The following MED9 variants were observed in gnomAD, a reference collection of about 807,000 sequenced individuals.
The protein encoded by MED9 is mediator of RNA polymerase II transcription subunit 9.
MED9 carries 8 observed loss-of-function variants against 13.2 expected under a neutral mutation model. The ratio of observed to expected loss-of-function variants is 0.61; its 90% CI spans 0.36 to 1.10. The LOEUF (loss-of-function observed/expected upper bound fraction) is 1.10, where lower values mean the gene tolerates loss of function less well. Ranked by LOEUF, MED9 falls within the 50% of genes least tolerant of loss-of-function variation. The probability of loss-of-function intolerance (pLI) is 0.02; values close to 1 mark genes in which losing one functional copy is unlikely to be tolerated. For missense variants in MED9, 180 were observed against 193.4 expected, an observed-to-expected ratio of 0.93 and a Z score of 0.41; for synonymous variants, 87 against 82.8, an observed-to-expected ratio of 1.05 and a Z score of -0.28.
intron 1 of MED9, chr17:17,477,588 C>T: frequency 3.3e-6 from 1 of 304,592 alleles, no homozygotes; most frequent in Non-Finnish European, 6.1e-6. Flanking sequence ...GTTTTCTCAC[C>T]TTTAATGTTG....
chr17:17,491,612 C>T lies in MED9; in HGVS notation c.*117C>T. The T allele has an allele frequency of 9.9e-7, 1 of 1,013,714 alleles. No individual in the cohort carries two copies. Among genetic ancestry groups the T allele is most frequent in the Non-Finnish European group, 1.5e-6 (1 of 681,578 alleles). 62.8% of individuals were successfully genotyped at this position (1,013,714 alleles called of 1,614,324 possible). On this transcript the variant is annotated 3_prime_UTR_variant, in exon 2 of 2. Coordinates refer to ENST00000268711, the MANE Select transcript of MED9 (RefSeq NM_018019.3). ...GACCCCAGCTCAGCTCGTCAAGCTG[C>T]AGGGGCGGGGCTCCTGTGCTGCTGC...
intron 1 of MED9, among the ~76,000 whole-genome samples, chr17:17,489,427 A>G (rs1905191933): frequency 6.6e-6 from 1 of 152,212 alleles, no homozygotes; most frequent in African/African-American, 2.4e-5. Context: ...CCACATTTCT[A>G]TTTTAAGTAC....
chr17:17,488,844 G>GA (rs753433378), intron 1 of MED9, among the ~76,000 whole-genome samples: 1 of 148,954 alleles, frequency 6.7e-6, no homozygotes, highest in African/African-American at 2.5e-5. Context: ...AAAAAAAAAA[G>GA]AAAAAAAGAA....
chr17:17,487,670 T>C (rs1490617045), intron 1 of MED9: 2 of 177,128 alleles, frequency 1.1e-5, no homozygotes, highest in African/African-American at 2.4e-5. Flanking sequence ...GTCCGTGGCC[T>C]CATTCTTGAA....
chr17:17,477,564 C>A (rs1479197014), intron 1 of MED9: 7 of 365,748 alleles, frequency 1.9e-5, no homozygotes, highest in Non-Finnish European at 2.0e-5. Flanking sequence ...CAAATTAAAT[C>A]TCTTTAAGCC....
In MED9 at chr17:17,483,105, A is replaced by G. The variant is rs966878616; in HGVS notation, c.224+5840A>G. On this transcript the variant is annotated intron_variant, in intron 1 of 1. Transcript: ENST00000268711. The surrounding 1 kb of genome is among the most constrained non-coding windows in gnomAD (Gnocchi z 4.2). The stretch of plus-strand genomic sequence containing the variant: ...ATCATGATGCTTTTGTTAATGGAAC[A>G]TTTCGTCTTTAATCTGCTTCTTTAC... Among the ~76,000 whole-genome samples, 2 of 152,092 alleles carry G rather than the reference A, an allele frequency of 1.3e-5. No homozygotes were observed. Among genetic ancestry groups the G allele is most frequent in the Non-Finnish European group, 2.9e-5 (2 of 68,036 alleles).
intron 1 of MED9, among the ~76,000 whole-genome samples, chr17:17,481,129 T>A (rs1431675173): frequency 6.6e-6 from 1 of 152,102 alleles, no homozygotes; most frequent in African/African-American, 2.4e-5. Context: ...TGCAGGTGTC[T>A]TCTGAGGGAT....
At chr17:17,478,952 C>T (rs1295658603) in intron 1 of MED9, among the ~76,000 whole-genome samples, 1 of 151,954 alleles carries the variant, frequency 6.6e-6, no homozygotes, top group East Asian at 1.9e-4. Context: ...ACATATGGAG[C>T]CCCTGTAATC....
intron 1 of MED9, among the ~76,000 whole-genome samples, chr17:17,480,444 A>G (rs953839155): frequency 1.3e-5 from 2 of 152,362 alleles, no homozygotes; most frequent in East Asian, 3.9e-4. Context: ...ATTCTTAAAT[A>G]TATGAGTGGA....
chr17:17,482,947 A>G (rs987393135), intron 1 of MED9, among the ~76,000 whole-genome samples: 1 of 152,140 alleles, frequency 6.6e-6, no homozygotes, highest in Admixed American at 6.5e-5. Context: ...GCACCAAACT[A>G]TTTTAGTTCT....
intron 1 of MED9, among the ~76,000 whole-genome samples, chr17:17,478,196 A>G (rs923773473): frequency 1.3e-5 from 2 of 152,162 alleles, no homozygotes; most frequent in African/African-American, 4.8e-5. Flanking sequence ...GAGTTTCACC[A>G]TGTTGCCCAG....
chr17:17,491,383 G>A lies in MED9; in HGVS notation c.329G>A (p.Ser110Asn). Residue 110 changes from serine (S) to asparagine (N), a missense_variant, in exon 2 of 2, where the codon AGC becomes AAC. By Grantham distance (46) the Ser-to-Asn change is conservative. Coordinates refer to ENST00000268711, the MANE Select transcript of MED9 (RefSeq NM_018019.3). ...AGCACCATGCCCGGCATCCACCTGAGCCCCGAACAGCAGCAGCAGCAGCTG... is the reference window on the plus strand; with the variant it reads ...AGCACCATGCCCGGCATCCACCTGAACCCCGAACAGCAGCAGCAGCAGCTG... ...LISTMPGIHL[S>N]PEQQQQQLQS... The A allele has an allele frequency of 6.2e-7, 1 of 1,614,010 alleles. No homozygotes were observed. The highest frequency in any genetic ancestry group is 8.5e-7 in the Non-Finnish European group (1 of 1,180,044).
At chr17:17,490,246 G>C (rs1905205610) in intron 1 of MED9, among the ~76,000 whole-genome samples, 1 of 152,204 alleles carries the variant, frequency 6.6e-6, no homozygotes, top group African/African-American at 2.4e-5. Context: ...GACCAGCCTG[G>C]CCAACATGGT....
rs1905247415 is a variant in MED9, at chr17:17,492,130, C to T, written c.*635C>T. Reference sequence around the variant, plus strand: ...CGCTTTGGGGGCTTCAGCCTAGAGCCCTGCCAGGCAGCCCCTGGCTCCAGG... The same window carrying T: ...CGCTTTGGGGGCTTCAGCCTAGAGCTCTGCCAGGCAGCCCCTGGCTCCAGG... On this transcript the variant is annotated 3_prime_UTR_variant, in exon 2 of 2. Coordinates refer to ENST00000268711, the MANE Select transcript of MED9 (RefSeq NM_018019.3). The T allele has an allele frequency of 6.5e-6, 1 of 154,334 alleles. No individual in the cohort carries two copies. Among genetic ancestry groups the T allele is most frequent in the Non-Finnish European group, 1.4e-5 (1 of 69,576 alleles). 9.6% of individuals were successfully genotyped at this position (154,334 alleles called of 1,614,324 possible).
chr17:17,480,231 C>T (rs1905009156), intron 1 of MED9, among the ~76,000 whole-genome samples: 1 of 152,092 alleles, frequency 6.6e-6, no homozygotes, highest in Admixed American at 6.5e-5. Context: ...AGAAAGTTCA[C>T]AGTCTGAAGA....
At chr17:17,488,669 A>G (rs1299106740) in intron 1 of MED9, among the ~76,000 whole-genome samples, 2 of 152,200 alleles carry the variant, frequency 1.3e-5, no homozygotes, top group Admixed American at 6.5e-5. Flanking sequence ...CACCATCTCT[A>G]CTAAAAATAC....
In MED9 at chr17:17,490,538, T is replaced by C. The variant is rs146736862; in HGVS notation, c.225-741T>C. On this transcript the variant is annotated intron_variant, in intron 1 of 1. Coordinates refer to ENST00000268711, the MANE Select transcript of MED9 (RefSeq NM_018019.3). The stretch of plus-strand genomic sequence containing the variant: ...CGTTTTTCATTGAGTAGGACCTCTG[T>C]GCAGCTAATAGCTGTGAGATGGAGC... Among the ~76,000 whole-genome samples, 79 of 152,344 alleles carry C rather than the reference T, an allele frequency of 5.2e-4. No homozygotes were observed. The East Asian group carries it at 0.015, about 29-fold the overall frequency.
At chr17:17,487,104 T>TG (rs986275609) in intron 1 of MED9, 10 of 152,280 alleles carry the variant, frequency 6.6e-5, no homozygotes, top group African/African-American at 2.2e-4. Context: ...GCTGCTCTGG[T>TG]GGGGCCTTGG....
At chr17:17,490,668 T>C (rs1411386307) in intron 1 of MED9, among the ~76,000 whole-genome samples, 1 of 152,228 alleles carries the variant, frequency 6.6e-6, no homozygotes, top group Non-Finnish European at 1.5e-5. Flanking sequence ...AGTTCCATTT[T>C]AACTAATCTA....
Sources: gnomAD v4.1 joint callset for allele counts (sites outside exome capture counted in the v4.1 genomes callset) on GRCh38, gnomAD v4.1.1 for gene constraint, Gnocchi (gnomAD v3.1) non-coding constraint, MANE v1.5 for transcripts, NCBI Gene and HGNC (gene_info 2026-07-23, HGNC 2026-07-21) for gene names.